AKT3: variants seen among roughly 807,000 people sequenced by gnomAD.
AKT3 encodes RAC-gamma serine/threonine-protein kinase.
Under a neutral mutation model 65.3 loss-of-function variants are expected in AKT3, and 15 were observed. The observed-to-expected ratio is 0.23, with a 90% CI of 0.15 to 0.35. The LOEUF is 0.35. Ranked by LOEUF, AKT3 falls within the 10% of genes least tolerant of loss-of-function variation. The pLI is 1.00. For missense variants in AKT3, 243 were observed against 576.5 expected, an observed-to-expected ratio of 0.42 and a Z score of 5.92; for synonymous variants, 206 against 183.8, an observed-to-expected ratio of 1.12 and a Z score of -0.98.
intron 13 of AKT3, among the ~76,000 whole-genome samples, chr1:243,492,063 G>A (rs1666563814): frequency 6.6e-6 from 1 of 152,036 alleles, no homozygotes; most frequent in African/African-American, 2.4e-5. Flanking sequence ...AGGCTGGCCT[G>A]TGGCCTCCAA....
chr1:243,686,110 A>G (rs372948069), intron 3 of AKT3, among the ~76,000 whole-genome samples: 1 of 152,214 alleles, frequency 6.6e-6, no homozygotes, highest in Non-Finnish European at 1.5e-5. Context: ...AAGAGAGGAC[A>G]CAAACAAATG....
chr1:243,536,583 C>T (rs1671949737), intron 12 of AKT3, among the ~76,000 whole-genome samples: 1 of 152,124 alleles, frequency 6.6e-6, no homozygotes, highest in Non-Finnish European at 1.5e-5. Flanking sequence ...AGCTTTTCCT[C>T]ATTCTTATTT....
chr1:243,660,451 GA>G (rs959394778), intron 4 of AKT3, among the ~76,000 whole-genome samples: 4 of 152,068 alleles, frequency 2.6e-5, no homozygotes, highest in Admixed American at 2.0e-4. Flanking sequence ...CAGAACCAAA[GA>G]AAAAAACCAC....
rs140092838 is a variant in AKT3 at position 243,773,728 on chromosome 1, G to A, written c.46+69397C>T. Among the ~76,000 whole-genome samples, 1,232 of 152,266 alleles carry A rather than the reference G, an allele frequency of 8.1e-3. 13 individuals are homozygous for A. Among genetic ancestry groups the A allele is most frequent in the African/African-American group, 0.029 (1,184 of 41,538 alleles). On this transcript the variant is annotated intron_variant, in intron 2 of 13. Coordinates refer to ENST00000673466, the MANE Select transcript of AKT3 (RefSeq NM_005465.7). ...GTGTATGACCTAGCACAGACACCCA[G>A]ACACTAGCATATAAGCATTTAACAA...
At chr1:243,569,346 T>C (rs763585381) in intron 9 of AKT3, among the ~76,000 whole-genome samples, 1 of 152,318 alleles carries the variant, frequency 6.6e-6, no homozygotes, top group South Asian at 2.1e-4. Context: ...ATAAGGTACA[T>C]AGTCCAATAC....
chr1:243,586,421 T>G (rs1217535446), intron 8 of AKT3, among the ~76,000 whole-genome samples: 1 of 152,166 alleles, frequency 6.6e-6, no homozygotes, highest in Non-Finnish European at 1.5e-5. Context: ...AACAAATTGT[T>G]CTATAAAGTA....
intron 4 of AKT3, among the ~76,000 whole-genome samples, chr1:243,651,045 T>C (rs1484637031): frequency 6.6e-6 from 1 of 152,174 alleles, no homozygotes; most frequent in African/African-American, 2.4e-5. Context: ...GCACGGGTTG[T>C]TTTTCCATTT....
intron 4 of AKT3, among the ~76,000 whole-genome samples, chr1:243,661,431 C>T (rs1682319525): frequency 6.6e-6 from 1 of 151,802 alleles, no homozygotes; most frequent in African/African-American, 2.4e-5. Flanking sequence ...CTTTGACAAA[C>T]CTGAGAAAAA....
rs1315178800 is a variant in AKT3 at position 243,794,910 on chromosome 1, C to A, written c.46+48215G>T. ...TACCACTCACGCACCAGGTTCTCAG[C>A]TTCCAATATTTAGTTGACGTTGTTT... On this transcript the variant is annotated intron_variant, in intron 2 of 13. Transcript: ENST00000673466. 3.9e-5 allele frequency among the ~76,000 whole-genome samples: 6 copies of A among 152,214 alleles called. No homozygotes were observed. In the South Asian group the frequency reaches 1.2e-3, roughly 32 times the overall value.
At chr1:243,681,303 T>G (rs1417701650) in intron 3 of AKT3, among the ~76,000 whole-genome samples, 1 of 152,154 alleles carries the variant, frequency 6.6e-6, no homozygotes, top group Non-Finnish European at 1.5e-5. Flanking sequence ...GGTAATTTAT[T>G]ACTATACTAC....
chr1:243,650,362 T>C (rs1348061953), intron 4 of AKT3, among the ~76,000 whole-genome samples: 1 of 152,240 alleles, frequency 6.6e-6, no homozygotes, highest in Non-Finnish European at 1.5e-5. Context: ...AGGCTGCCTG[T>C]TCTCTCTGAT....
chr1:243,552,279 ACT>A (rs1313596061), intron 11 of AKT3, among the ~76,000 whole-genome samples: 1 of 91,342 alleles, frequency 1.1e-5, no homozygotes, highest in South Asian at 4.8e-4. Context: ...GCAGAGTGAG[ACT>A]CTGTCTCAAA....
chr1:243,806,632 G>C (rs904819119), intron 2 of AKT3, among the ~76,000 whole-genome samples: 1 of 152,098 alleles, frequency 6.6e-6, no homozygotes, highest in Non-Finnish European at 1.5e-5. Flanking sequence ...TATCTAGTGT[G>C]ATTCCTTGTA....
At chr1:243,841,837 T>C (rs974075698) in intron 2 of AKT3, among the ~76,000 whole-genome samples, 1 of 150,006 alleles carries the variant, frequency 6.7e-6, no homozygotes, top group African/African-American at 2.5e-5. Flanking sequence ...TACTCAACCA[T>C]AAAAAAAAAG....
intron 1 of AKT3, among the ~76,000 whole-genome samples, chr1:243,849,716 G>C (rs771344060): frequency 6.6e-6 from 1 of 151,530 alleles, no homozygotes; most frequent in African/African-American, 2.4e-5. Context: ...GGGCAGCCCA[G>C]ACACAGACGG....
At chr1:243,669,790 A>C (rs1369499994) in intron 3 of AKT3, among the ~76,000 whole-genome samples, 2 of 152,208 alleles carry the variant, frequency 1.3e-5, no homozygotes, top group African/African-American at 4.8e-5. Flanking sequence ...ATTCTCAAGC[A>C]GATCACTGAA....
At chr1:243,773,397 T>C (rs1203563964) in intron 2 of AKT3, among the ~76,000 whole-genome samples, 2 of 152,046 alleles carry the variant, frequency 1.3e-5, no homozygotes, top group Non-Finnish European at 2.9e-5. Context: ...AAATCCTGAT[T>C]TTAATGATTT....
downstream of AKT3, among the ~76,000 whole-genome samples, chr1:243,499,361 G>A (rs1668923909): frequency 6.6e-6 from 1 of 152,174 alleles, no homozygotes; most frequent in East Asian, 1.9e-4. Flanking sequence ...CCTACACCCT[G>A]TTTTTGTTCT....
chr1:243,742,897 CTGTT>C (rs1224425226), intron 2 of AKT3, among the ~76,000 whole-genome samples: 1 of 151,066 alleles, frequency 6.6e-6, no homozygotes, highest in Non-Finnish European at 1.5e-5. Context: ...AAATGAAACT[CTGTT>C]AGGTTACTTA....
Sources: gnomAD v4.1 joint callset for allele counts (sites outside exome capture counted in the v4.1 genomes callset) on GRCh38, gnomAD v4.1.1 for gene constraint, MANE v1.5 for transcripts, NCBI Gene and HGNC (gene_info 2026-07-23, HGNC 2026-07-21) for gene names.